NSMAF: variants seen among roughly 807,000 people sequenced by gnomAD.
NSMAF encodes protein FAN.
NSMAF carries 90 observed loss-of-function variants against 134.9 expected under a neutral mutation model. That is an observed-to-expected ratio of 0.67 (90% CI 0.56 to 0.79). The LOEUF is 0.79. Among genes scored for constraint, NSMAF ranks in the 30% least tolerant of loss-of-function variants. The pLI, the probability that NSMAF is intolerant of heterozygous loss-of-function variation, is 0.00. For missense variants in NSMAF, 1,010 were observed against 1,119.0 expected (o/e 0.90, Z 1.39); for synonymous variants, 358 against 389.6 (o/e 0.92, Z 0.96).
chr8:58,592,917 C>CAAAA, intron 23 of NSMAF, among the ~76,000 whole-genome samples: 1 of 67,172 alleles, frequency 1.5e-5, no homozygotes, highest in South Asian at 3.9e-4. Flanking sequence ...ACAACAACAA[C>CAAAA]AAAAAAAAAA....
chr8:58,651,563 T>C (rs1159787078), intron 1 of NSMAF, among the ~76,000 whole-genome samples: 1 of 152,184 alleles, frequency 6.6e-6, no homozygotes, highest in East Asian at 1.9e-4. Flanking sequence ...TCCCAGCAAT[T>C]TATGAGAAGA....
chr8:58,595,682 T>C lies in NSMAF; in HGVS notation c.1793-23A>G, dbSNP rs771014180. ...CACCTGGAGAGACGACATTAAATTTTTGCTAAGTCAACTAAGTTACCAACA... is the reference window on the plus strand; with the variant it reads ...CACCTGGAGAGACGACATTAAATTTCTGCTAAGTCAACTAAGTTACCAACA... On this transcript the variant is annotated intron_variant, in intron 21 of 30. Transcript: ENST00000038176. 4.6e-6 allele frequency: 7 copies of C among 1,529,674 alleles called. No individual in the cohort carries two copies. The Admixed American group carries it at 1.2e-4, about 26-fold the overall frequency. The allele number at this position is 1,529,674 out of a possible 1,614,324, so 94.8% of individuals were successfully genotyped here. A position where few individuals can be genotyped will look rare whatever the true frequency, so the allele number is the denominator to read the frequency against.
chr8:58,625,944 C>G (rs1309803145), intron 6 of NSMAF, among the ~76,000 whole-genome samples: 6 of 151,700 alleles, frequency 4.0e-5, no homozygotes, highest in Admixed American at 3.9e-4. Context: ...TTTTGTGGTA[C>G]AGGTGGTTTT....
In NSMAF at chr8:58,602,084, T is replaced by C; in HGVS notation, c.1099A>G (p.Asn367Asp). ...RDLSKPVGAL[N>D]KERLERLLTR... ...AGTAGTCTCTCCAGCCGTTCCTTATTTAGGGCCCCTACTGGCTTACTGAGA... is the reference window on the plus strand; with the variant it reads ...AGTAGTCTCTCCAGCCGTTCCTTATCTAGGGCCCCTACTGGCTTACTGAGA... The change falls in exon 14 of 31, where the codon AAT (asparagine) becomes GAT (aspartate). Residue 367 changes from asparagine to aspartate, a missense_variant. Transcript: ENST00000038176. The C allele has an allele frequency of 6.2e-7, 1 of 1,613,692 alleles. No individual in the cohort carries two copies. Among genetic ancestry groups the C allele is most frequent in the Non-Finnish European group, 8.5e-7 (1 of 1,179,652 alleles).
At chr8:58,599,452 T>C (rs1423713131) in intron 18 of NSMAF, 89 bp from the exon 19 acceptor site, 9 of 1,396,022 alleles carry the variant, frequency 6.4e-6, no homozygotes, top group Non-Finnish European at 8.7e-6. Context: ...ATAAAGCTTC[T>C]AGGACAGGCA....
intron 6 of NSMAF, among the ~76,000 whole-genome samples, chr8:58,624,110 C>T (rs1424471744): frequency 7.3e-6 from 1 of 137,520 alleles, no homozygotes; most frequent in Non-Finnish European, 1.5e-5. Flanking sequence ...GGCACGATCT[C>T]GGCTCACTGC....
At chr8:58,600,283 T>A (rs1171124567) in intron 16 of NSMAF, 1 of 418,840 alleles carries the variant, frequency 2.4e-6, no homozygotes, top group Non-Finnish European at 4.3e-6. Flanking sequence ...CATATACACA[T>A]TGCCTCATCC....
chr8:58,633,888 C>A lies in NSMAF; in HGVS notation c.333+1301G>T, dbSNP rs567545414. On this transcript the variant is annotated intron_variant, in intron 5 of 30. Transcript: ENST00000038176. ...GGTTTTGAGCTGGTTTCATACAAGA[C>A]CTCTTCTATAAACTATTAAAAAAGT... Among the ~76,000 whole-genome samples, 5 of 152,174 alleles carry A rather than the reference C, an allele frequency of 3.3e-5. No individual in the cohort carries two copies. In the South Asian group the frequency reaches 1.0e-3, roughly 32 times the overall value.
chr8:58,646,681 C>T (rs1807461631), intron 1 of NSMAF, among the ~76,000 whole-genome samples: 1 of 151,846 alleles, frequency 6.6e-6, no homozygotes, highest in Non-Finnish European at 1.5e-5. Flanking sequence ...AATTAAGTTG[C>T]ATGATTTTTA....
intron 23 of NSMAF, among the ~76,000 whole-genome samples, chr8:58,593,509 G>A (rs1232943123): frequency 1.3e-5 from 2 of 152,154 alleles, no homozygotes; most frequent in African/African-American, 4.8e-5. Context: ...TACAAACTTT[G>A]TCAGAACAAG....
rs1171878190 is a variant in NSMAF, at chr8:58,601,368, AG to A, written c.1217-21del. ...CTGGTGCTAGAGGGGAAAAAGTCAG[AG>A]GTAAGTCAGGTCACAGAATCATTGA... On this transcript the variant is annotated intron_variant, in intron 15 of 30. Transcript: ENST00000038176. 5 of 1,612,758 alleles carry A rather than the reference AG, an allele frequency of 3.1e-6. No homozygotes were observed. In the South Asian group the frequency reaches 5.5e-5, roughly 18 times the overall value.
At chr8:58,642,532 A>G (rs1302647878) in intron 2 of NSMAF, among the ~76,000 whole-genome samples, 1 of 152,216 alleles carries the variant, frequency 6.6e-6, no homozygotes, top group Non-Finnish European at 1.5e-5. Flanking sequence ...GTGGTTTATA[A>G]TCATTACTTT....
At chr8:58,598,435 C>A (rs1445654271) in intron 19 of NSMAF, among the ~76,000 whole-genome samples, 1 of 141,830 alleles carries the variant, frequency 7.1e-6, no homozygotes. Context: ...TGCAGTGAGC[C>A]AAGACTGCAC....
At chr8:58,604,458 T>C (rs1434484754) in intron 12 of NSMAF, among the ~76,000 whole-genome samples, 1 of 151,136 alleles carries the variant, frequency 6.6e-6, no homozygotes, top group African/African-American at 2.4e-5. Context: ...AACAAAGCTA[T>C]ACTTATACAT....
Position 58,659,395 on chromosome 8 carries a change from C to T in NSMAF, c.59+178G>A, listed in dbSNP as rs761411358. 2.6e-5 allele frequency: 40 copies of T among 1,515,882 alleles called. No homozygotes were observed. In the South Asian group the frequency reaches 4.8e-4, roughly 18 times the overall value. The allele number at this position is 1,515,882 out of a possible 1,614,324, so 93.9% of individuals were successfully genotyped here. On this transcript the variant is annotated intron_variant, in intron 1 of 30. Transcript: ENST00000038176. ...CCGGCCCAGACCAGGCCCCCGGCCT[C>T]TCACCCCGACCTCAGGTTTCCGCCA...
intron 21 of NSMAF, among the ~76,000 whole-genome samples, chr8:58,596,421 T>G (rs1806135759): frequency 6.6e-6 from 1 of 152,178 alleles, no homozygotes; most frequent in Non-Finnish European, 1.5e-5. Flanking sequence ...TCTGGAAGCC[T>G]GTAGGTTTGA....
chr8:58,640,001 G>C (rs1807296824), intron 2 of NSMAF: 3 of 448,846 alleles, frequency 6.7e-6, no homozygotes, highest in Non-Finnish European at 1.3e-5. Context: ...TCAGAGCTTT[G>C]TTCAGGCAAG....
At chr8:58,629,622 AAAC>A (rs139107276) in intron 6 of NSMAF, among the ~76,000 whole-genome samples, 150,988 of 151,896 alleles carry the variant, frequency 0.99, 75,044 homozygotes, top group East Asian at 1. Context: ...CACACATTAA[AAAC>A]AACAACAACA....
At chr8:58,626,012 G>A (rs1372406173) in intron 6 of NSMAF, among the ~76,000 whole-genome samples, 4 of 149,870 alleles carry the variant, frequency 2.7e-5, no homozygotes, top group South Asian at 2.1e-4. Flanking sequence ...AGCAGTGTAC[G>A]TACCCAATAT....
Sources: gnomAD v4.1 joint callset for allele counts (sites outside exome capture counted in the v4.1 genomes callset) on GRCh38, gnomAD v4.1.1 for gene constraint, MANE v1.5 for transcripts, NCBI Gene and HGNC (gene_info 2026-07-23, HGNC 2026-07-21) for gene names.